Variants in VAV3 observed in about 807,000 individuals in gnomAD.
VAV3 encodes guanine nucleotide exchange factor VAV3.
VAV3 carries 94 observed loss-of-function variants against 131.2 expected under a neutral mutation model. The observed-to-expected ratio is 0.72, with a 90% CI of 0.61 to 0.85. The LOEUF (loss-of-function observed/expected upper bound fraction) is 0.85, where lower values mean the gene tolerates loss of function less well. Among genes scored for constraint, VAV3 ranks in the 40% least tolerant of loss-of-function variants. VAV3 has a pLI of 0.00. For missense variants in VAV3, 939 were observed against 1,002.7 expected (o/e 0.94, Z 0.86); for synonymous variants, 349 against 342.0 (o/e 1.02, Z -0.22).
chr1:107,813,048 A>G (rs144885998), intron 2 of VAV3, among the ~76,000 whole-genome samples: 1,785 of 151,420 alleles, frequency 0.012, 13 homozygotes, highest in South Asian at 0.031. Flanking sequence ...GCATGAACCC[A>G]GGAGGCAGAG....
At chr1:107,755,059 T>G (rs1664021391) in intron 12 of VAV3, among the ~76,000 whole-genome samples, 1 of 151,906 alleles carries the variant, frequency 6.6e-6, no homozygotes, top group East Asian at 1.9e-4. Flanking sequence ...AAGCAAAGTG[T>G]CTGGGTCATA....
chr1:107,924,566 A>G (rs1673062820), intron 1 of VAV3, among the ~76,000 whole-genome samples: 1 of 152,206 alleles, frequency 6.6e-6, no homozygotes, highest in Non-Finnish European at 1.5e-5. Flanking sequence ...AAAAATATCT[A>G]TGGCTTTAGA....
intron 2 of VAV3, among the ~76,000 whole-genome samples, chr1:107,829,736 T>G (rs1668165271): frequency 6.6e-6 from 1 of 152,200 alleles, no homozygotes; most frequent in African/African-American, 2.4e-5. Flanking sequence ...AAACTTCAAT[T>G]TTTAAATCTT....
At chr1:107,871,421 G>A (rs1473344550) in intron 2 of VAV3, among the ~76,000 whole-genome samples, 1 of 150,144 alleles carries the variant, frequency 6.7e-6, no homozygotes, top group African/African-American at 2.5e-5. Context: ...ACCCTGAAGA[G>A]TGAGAGTCAT....
intron 2 of VAV3, among the ~76,000 whole-genome samples, chr1:107,838,165 C>G (rs1312971862): frequency 6.6e-6 from 1 of 151,968 alleles, no homozygotes; most frequent in African/African-American, 2.4e-5. Flanking sequence ...CAGAATCTAT[C>G]AGGAACTTAA....
At chr1:107,782,999 T>A (rs980652934) in intron 2 of VAV3, among the ~76,000 whole-genome samples, 1 of 152,216 alleles carries the variant, frequency 6.6e-6, no homozygotes, top group Non-Finnish European at 1.5e-5. Flanking sequence ...TGCAGGTCAA[T>A]AGGCCAACAA....
chr1:107,726,895 C>G lies in VAV3; in HGVS notation c.1503-21834G>C, dbSNP rs184002793. Among the ~76,000 whole-genome samples the G allele has an allele frequency of 2.0e-3, 300 of 152,328 alleles. 2 individuals carry two copies. Among genetic ancestry groups the G allele is most frequent in the East Asian group, 7.7e-4 (4 of 5,190 alleles). ...AATCTTCCCAAAGGGACCATGCTATCATTGTCTAGTGTGTAAATCCACACA... is the reference window on the plus strand; with the variant it reads ...AATCTTCCCAAAGGGACCATGCTATGATTGTCTAGTGTGTAAATCCACACA... On this transcript the variant is annotated intron_variant, in intron 15 of 26. Transcript: ENST00000370056.
chr1:107,677,024 C>A (rs547830237), intron 19 of VAV3, among the ~76,000 whole-genome samples: 1 of 152,106 alleles, frequency 6.6e-6, no homozygotes. Context: ...GAAAAACGAT[C>A]CATAAAAACA....
intron 25 of VAV3, among the ~76,000 whole-genome samples, chr1:107,586,027 C>T (rs1262073749): frequency 6.6e-6 from 1 of 152,132 alleles, no homozygotes; most frequent in African/African-American, 2.4e-5. Context: ...TTCTGCTACG[C>T]TACCAGAAAG....
rs145134580 is a variant in VAV3 at position 107,585,084 on chromosome 1, G to C, written c.2351-10886C>G. Among the ~76,000 whole-genome samples the C allele has an allele frequency of 2.6e-4, 40 of 152,274 alleles. No homozygotes were observed. The East Asian group carries it at 7.5e-3, about 29-fold the overall frequency. ...ATTGATTTTGGATTGAGAATGCTAT[G>C]ATTAGACTTTAGGCTCTATTGGAGC... On this transcript the variant is annotated intron_variant, in intron 25 of 26. Transcript: ENST00000370056.
At chr1:107,812,822 G>A (rs1319995080) in intron 2 of VAV3, among the ~76,000 whole-genome samples, 1 of 152,008 alleles carries the variant, frequency 6.6e-6, no homozygotes, top group Non-Finnish European at 1.5e-5. Flanking sequence ...AAGAATACAG[G>A]AATTAAAAAC....
chr1:107,595,944 T>C (rs1421836118), intron 25 of VAV3, among the ~76,000 whole-genome samples: 1 of 152,172 alleles, frequency 6.6e-6, no homozygotes, highest in African/African-American at 2.4e-5. Flanking sequence ...ATGAAAAGTA[T>C]GAAATGTAAA....
intron 2 of VAV3, among the ~76,000 whole-genome samples, chr1:107,867,706 G>C (rs1415095641): frequency 6.6e-6 from 1 of 152,162 alleles, no homozygotes; most frequent in Non-Finnish European, 1.5e-5. Context: ...GGTGAGTGGA[G>C]GTTGACTCCT....
At chr1:107,779,409 C>T (rs1338514017) in intron 3 of VAV3, 25 bp downstream of exon 3, 3 of 1,566,808 alleles carry the variant, frequency 1.9e-6, no homozygotes, top group Non-Finnish European at 2.6e-6. Context: ...CAATGGGACA[C>T]ATGAACAACG....
At chr1:107,918,940 C>T (rs1672756761) in intron 1 of VAV3, among the ~76,000 whole-genome samples, 1 of 151,982 alleles carries the variant, frequency 6.6e-6, no homozygotes, top group African/African-American at 2.4e-5. Context: ...CTCCTGACCT[C>T]AGGTGATCCG....
intron 2 of VAV3, among the ~76,000 whole-genome samples, chr1:107,795,094 C>T (rs1312304922): frequency 6.6e-6 from 1 of 152,136 alleles, no homozygotes; most frequent in Non-Finnish European, 1.5e-5. Flanking sequence ...ATTTGGGGGC[C>T]ACCATCCCCT....
At chr1:107,743,625 G>A (rs1025632464) in intron 15 of VAV3, among the ~76,000 whole-genome samples, 2 of 152,154 alleles carry the variant, frequency 1.3e-5, no homozygotes, top group Admixed American at 6.5e-5. Flanking sequence ...CAAGGCAAGT[G>A]CACGATAAAT....
chr1:107,601,756 C>A (rs1324776401), intron 24 of VAV3, among the ~76,000 whole-genome samples: 3 of 150,078 alleles, frequency 2.0e-5, no homozygotes, highest in South Asian at 2.1e-4. Flanking sequence ...TATATGCTAA[C>A]AAAAGTATGA....
At position 107,650,544 on chromosome 1, in the gene VAV3, ATTAT is replaced by A. The variant is rs545602047; in HGVS notation, c.1778-7793_1778-7790del. ...GCCTTTTTTTTTAAATTTTTATTTT[ATTAT>A]TTATTTATTTATTTATTATTATTAT... On this transcript the variant is annotated intron_variant, in intron 19 of 26. Transcript: ENST00000370056. Among the ~76,000 whole-genome samples the A allele has an allele frequency of 3.7e-3, 550 of 149,600 alleles. 5 individuals carry two copies. The highest frequency in any genetic ancestry group is 0.012 in the African/African-American group (492 of 40,970).
Sources: gnomAD v4.1 joint callset for allele counts (sites outside exome capture counted in the v4.1 genomes callset) on GRCh38, gnomAD v4.1.1 for gene constraint, MANE v1.5 for transcripts, NCBI Gene and HGNC (gene_info 2026-07-23, HGNC 2026-07-21) for gene names.